Variants in MTX2 observed in about 807,000 individuals in gnomAD.
MTX2 encodes the protein metaxin-2.
A neutral mutation model predicts 42.3 loss-of-function variants in MTX2; 35 were observed. That is an observed-to-expected ratio of 0.83 (90% CI 0.63 to 1.10). MTX2 has a LOEUF of 1.10. MTX2 is among the 50% of genes least tolerant of loss of function. The pLI is 0.00. For synonymous variants in MTX2, 119 were observed against 100.9 expected, an observed-to-expected ratio of 1.18 and a Z score of -1.08; for missense variants, 307 against 304.1, an observed-to-expected ratio of 1.01 and a Z score of -0.07.
intron 4 of MTX2, 26 bp downstream of exon 4, chr2:176,323,490 G>C (rs751645870): frequency 1.3e-6 from 2 of 1,580,090 alleles, no homozygotes; most frequent in African/African-American, 1.4e-5. Context: ...TTTCTTCTCT[G>C]TTAATATTAT....
intron 3 of MTX2, among the ~76,000 whole-genome samples, chr2:176,316,392 T>C (rs1684439653): frequency 6.6e-6 from 1 of 152,072 alleles, no homozygotes; most frequent in Admixed American, 6.6e-5. Flanking sequence ...TTTATTTATT[T>C]ATTTATTTGT....
chr2:176,305,764 G>A (rs1465812286), intron 3 of MTX2, among the ~76,000 whole-genome samples: 4 of 151,990 alleles, frequency 2.6e-5, no homozygotes, highest in African/African-American at 9.7e-5. Flanking sequence ...TAGTTTCTAG[G>A]TGAGAGTTTC....
intron 3 of MTX2, among the ~76,000 whole-genome samples, chr2:176,312,708 A>G (rs996626376): frequency 2.6e-5 from 4 of 151,800 alleles, no homozygotes; most frequent in African/African-American, 9.7e-5. Flanking sequence ...TACTAAATAC[A>G]AAAAATTAGC....
chr2:176,297,777 A>G, intron 2 of MTX2, 72 bp from the exon 3 acceptor site: 3 of 1,022,688 alleles, frequency 2.9e-6, no homozygotes, highest in Non-Finnish European at 2.8e-6. Flanking sequence ...TTGAATAAAT[A>G]GAAATACTTT....
chr2:176,304,457 A>G (rs1684096695), intron 3 of MTX2: 1 of 152,202 alleles, frequency 6.6e-6, no homozygotes, highest in East Asian at 1.9e-4. Flanking sequence ...TGTTATGGTA[A>G]CTGGATTAGG....
At chr2:176,301,671 G>C (rs1387468024) in intron 3 of MTX2, among the ~76,000 whole-genome samples, 4 of 152,122 alleles carry the variant, frequency 2.6e-5, no homozygotes, top group Non-Finnish European at 5.9e-5. Flanking sequence ...CTGCATATTG[G>C]TCTAGTCCAG....
rs1395026157 is a variant in MTX2, at chr2:176,326,841, T to G, written c.225T>G (p.Ile75Met). ...YMSPSGKVPF[I>M]HVGNQVVSEL... ...TCTCAACAGGTAAAGTACCTTTTAT[T>G]CATGTGGGAAATCAAGTAGTATCAG... The change falls in exon 5 of 10, where the codon ATT becomes ATG. Residue 75 changes from isoleucine to methionine, a missense_variant. Physicochemically the swap from Ile to Met is conservative, Grantham distance 10. Transcript: ENST00000249442. 2 of 1,572,038 alleles carry G rather than the reference T, an allele frequency of 1.3e-6. No individual in the cohort carries two copies. The highest frequency in any genetic ancestry group is 4.6e-5 in the East Asian group (2 of 43,790).
chr2:176,288,166 C>G (rs548307229), intron 1 of MTX2, among the ~76,000 whole-genome samples: 1 of 152,204 alleles, frequency 6.6e-6, no homozygotes, highest in African/African-American at 2.4e-5. Flanking sequence ...TTGACTTGCA[C>G]TATAGTTTGC....
intron 4 of MTX2, 147 bp downstream of exon 4, chr2:176,323,611 G>T (rs1684636914): frequency 2.8e-6 from 2 of 702,052 alleles, no homozygotes; most frequent in Non-Finnish European, 4.6e-6. Context: ...AGTAACAATT[G>T]CAAATTTGAC....
intron 1 of MTX2, among the ~76,000 whole-genome samples, chr2:176,275,963 A>C (rs1692938132): frequency 6.6e-6 from 1 of 152,238 alleles, no homozygotes; most frequent in Non-Finnish European, 1.5e-5. Context: ...ATGGATTTTG[A>C]AGTGAAAGGT....
chr2:176,279,415 A>G (rs1053786044), intron 1 of MTX2, among the ~76,000 whole-genome samples: 1 of 152,144 alleles, frequency 6.6e-6, no homozygotes, highest in Non-Finnish European at 1.5e-5. Context: ...AGCTGACTCA[A>G]TGAACTAGCC....
chr2:176,279,276 C>G (rs1467536274), intron 1 of MTX2, among the ~76,000 whole-genome samples: 1 of 152,058 alleles, frequency 6.6e-6, no homozygotes, highest in Non-Finnish European at 1.5e-5. Context: ...TATTTACCCC[C>G]ACATCATATT....
chr2:176,314,859 G>A (rs1301483769), intron 3 of MTX2, among the ~76,000 whole-genome samples: 1 of 152,056 alleles, frequency 6.6e-6, no homozygotes, highest in Non-Finnish European at 1.5e-5. Flanking sequence ...TTTAAACTTG[G>A]TACGCTATAG....
intron 3 of MTX2, among the ~76,000 whole-genome samples, chr2:176,300,157 G>T (rs1045348515): frequency 2.0e-5 from 3 of 151,660 alleles, no homozygotes; most frequent in East Asian, 1.9e-4. Flanking sequence ...GAGAGAGAGA[G>T]ATATCTTCCA....
At chr2:176,270,163 G>T in intron 1 of MTX2, 1 of 332,054 alleles carries the variant, frequency 3.0e-6, no homozygotes, top group Non-Finnish European at 5.8e-6. Context: ...TAAGACTCTA[G>T]GAGTTATTTA....
intron 3 of MTX2, among the ~76,000 whole-genome samples, chr2:176,306,913 T>G (rs1210011817): frequency 1.3e-5 from 2 of 152,210 alleles, no homozygotes; most frequent in South Asian, 4.1e-4. Flanking sequence ...TTAGTTTAAT[T>G]AGATCCCATT....
At chr2:176,332,889 T>A (rs1684894846) in intron 9 of MTX2, among the ~76,000 whole-genome samples, 1 of 151,292 alleles carries the variant, frequency 6.6e-6, no homozygotes, top group African/African-American at 2.4e-5. Flanking sequence ...TGTGAAATAA[T>A]GAATAAGCAA....
At position 176,337,926 on chromosome 2, in the gene MTX2, A is replaced by C; in HGVS notation, c.*262A>C. ...TGCATGCATTTAAAAATAAAGCTTA[A>C]ACAACTGTATGGATGTTACATTTAC... On this transcript the variant is annotated 3_prime_UTR_variant, in exon 10 of 10. Coordinates refer to ENST00000249442, the MANE Select transcript of MTX2 (RefSeq NM_006554.5). 5 of 236,450 alleles carry C rather than the reference A, an allele frequency of 2.1e-5. No homozygotes were observed. Among genetic ancestry groups the C allele is most frequent in the African/African-American group, 2.2e-5 (1 of 44,540 alleles). The allele number at this position is 236,450 out of a possible 1,614,324, so 14.6% of individuals were successfully genotyped here.
intron 1 of MTX2, among the ~76,000 whole-genome samples, chr2:176,292,731 T>C (rs1445226631): frequency 6.6e-6 from 1 of 152,104 alleles, no homozygotes; most frequent in Non-Finnish European, 1.5e-5. Flanking sequence ...AAACTAGAGA[T>C]TTTTTTTCTT....
Sources: allele counts gnomAD v4.1 joint callset (sites outside exome capture counted in the v4.1 genomes callset), GRCh38; gene constraint gnomAD v4.1.1; transcripts MANE v1.5; gene names NCBI Gene and HGNC (gene_info 2026-07-23, HGNC 2026-07-21).